Variants in MAST2 observed in about 807,000 individuals in gnomAD.
MAST2 encodes microtubule associated serine/threonine kinase 2, also known as microtubule-associated serine/threonine-protein kinase 2.
In MAST2, 70 loss-of-function variants were observed where a neutral mutation model predicts 147.4. The ratio of observed to expected loss-of-function variants is 0.47; its 90% CI spans 0.39 to 0.58. The LOEUF (loss-of-function observed/expected upper bound fraction) is 0.58. Ranked by LOEUF, MAST2 falls within the 20% of genes least tolerant of loss-of-function variation. The probability of loss-of-function intolerance (pLI) is 0.00; values close to 1 mark genes in which losing one functional copy is unlikely to be tolerated. For missense variants in MAST2, 2,080 were observed against 2,302.3 expected (o/e 0.90, Z 1.98); for synonymous variants, 869 against 896.8 (o/e 0.97, Z 0.55).
intron 1 of MAST2, among the ~76,000 whole-genome samples, chr1:45,811,688 C>CAGTG (rs1250457268): frequency 1.4e-5 from 2 of 141,228 alleles, no homozygotes; most frequent in African/African-American, 5.3e-5. Context: ...GGCTGGAGTG[C>CAGTG]AGTGGCCTGA....
intron 4 of MAST2, among the ~76,000 whole-genome samples, chr1:45,925,691 A>C (rs1183197869): frequency 6.6e-6 from 1 of 152,244 alleles, no homozygotes; most frequent in Non-Finnish European, 1.5e-5. Context: ...GAGGGCTTGC[A>C]GCAGGAAATC....
intron 3 of MAST2, among the ~76,000 whole-genome samples, chr1:45,838,044 G>T (rs1410823071): frequency 1.3e-5 from 2 of 151,998 alleles, no homozygotes; most frequent in Non-Finnish European, 2.9e-5. Flanking sequence ...CTCCCAAAGT[G>T]CTGGGATTAC....
intron 4 of MAST2, among the ~76,000 whole-genome samples, chr1:45,924,878 T>C (rs1230583699): frequency 6.6e-6 from 1 of 151,934 alleles, no homozygotes; most frequent in Non-Finnish European, 1.5e-5. Flanking sequence ...CAAAGGGAGG[T>C]AGCCATTTAG....
intron 3 of MAST2, among the ~76,000 whole-genome samples, chr1:45,859,308 C>T (rs1336312375): frequency 6.6e-6 from 1 of 152,172 alleles, no homozygotes; most frequent in Non-Finnish European, 1.5e-5. Context: ...CCATGTTGGC[C>T]AGGCTAGTCT....
intron 5 of MAST2, among the ~76,000 whole-genome samples, chr1:45,986,766 A>G (rs1644641523): frequency 6.6e-6 from 1 of 150,686 alleles, no homozygotes; most frequent in Admixed American, 6.6e-5. Context: ...GTCTTTTTAT[A>G]TGTTGTTGTA....
intron 8 of MAST2, 86 bp downstream of exon 8, chr1:46,006,481 G>A (rs6429592): frequency 0.76 from 1,037,917 of 1,365,542 alleles, 397,010 homozygotes; most frequent in East Asian, 0.99. Flanking sequence ...TATGCTATAA[G>A]GGGCCAAGAT....
intron 3 of MAST2, among the ~76,000 whole-genome samples, chr1:45,880,966 C>CAAAAAAAAA (rs10660375): frequency 1.1e-5 from 1 of 89,850 alleles, no homozygotes; most frequent in Admixed American, 1.2e-4. Flanking sequence ...GACTCCATCT[C>CAAAAAAAAA]AAAAAAAAAA....
chr1:45,943,606 G>T (rs1002093060), intron 4 of MAST2, among the ~76,000 whole-genome samples: 2 of 152,132 alleles, frequency 1.3e-5, no homozygotes, highest in Non-Finnish European at 2.9e-5. Context: ...TTAGCTGGGC[G>T]TGGTGACGCG....
At position 46,031,347 on chromosome 1, in the gene MAST2, G is replaced by A; in HGVS notation, c.2993-44G>A. ...GCTGGAGGATACTGCAGGGCAGGGA[G>A]GCTCAGCGGCATCGCGGGTCTCACT... On this transcript the variant is annotated intron_variant, in intron 23 of 28. Coordinates refer to ENST00000361297, the MANE Select transcript of MAST2 (RefSeq NM_015112.3). This position sits in a 1 kb window ranked among gnomAD's most constrained non-coding sequence, Gnocchi z 4.1. 1.3e-6 allele frequency: 2 copies of A among 1,579,052 alleles called. No homozygotes were observed. The highest frequency in any genetic ancestry group is 1.7e-6 in the Non-Finnish European group (2 of 1,158,792).
intron 3 of MAST2, among the ~76,000 whole-genome samples, chr1:45,837,874 G>A (rs570488514): frequency 5.9e-5 from 9 of 152,190 alleles, no homozygotes; most frequent in African/African-American, 2.2e-4. Context: ...CACCTCCCGG[G>A]TTCAAGCCAT....
chr1:45,889,822 G>T (rs1030821977), intron 4 of MAST2, among the ~76,000 whole-genome samples: 1 of 151,536 alleles, frequency 6.6e-6, no homozygotes, highest in Non-Finnish European at 1.5e-5. Context: ...CATTGGTCAG[G>T]CTGGTCTCGA....
intron 9 of MAST2, among the ~76,000 whole-genome samples, chr1:46,010,357 GC>G (rs1376058817): frequency 6.6e-6 from 1 of 152,120 alleles, no homozygotes; most frequent in Non-Finnish European, 1.5e-5. Flanking sequence ...AGTTTGTCAG[GC>G]AGGCTTGGCA....
rs1347891067 is a variant in MAST2 at position 46,035,119 on chromosome 1, G to A, written c.4450G>A (p.Asp1484Asn). 1.2e-6 allele frequency: 2 copies of A among 1,613,636 alleles called. No individual in the cohort carries two copies. The highest frequency in any genetic ancestry group is 8.5e-7 in the Non-Finnish European group (1 of 1,179,984). Residue 1484 changes from aspartate (D) to asparagine (N), a missense_variant, in exon 29 of 29, where the codon GAC becomes AAC. By Grantham distance (23) the Asp-to-Asn change is conservative. This residue lies in a region of MAST2 where 1,278 missense variants were observed against 1,304.2 expected (regional missense o/e 0.98). Transcript: ENST00000361297. This position sits in a 1 kb window ranked among gnomAD's most constrained non-coding sequence, Gnocchi z 5.5. ...ACGGGCCCTAGGCACCCTCCGGCAG[G>A]ACCGAGCCGAACGACGGGAGTCGCT... ...PSRALGTLRQ[D>N]RAERRESLQK...
intron 4 of MAST2, among the ~76,000 whole-genome samples, chr1:45,894,490 A>G (rs1648396806): frequency 6.6e-6 from 1 of 152,212 alleles, no homozygotes; most frequent in Non-Finnish European, 1.5e-5. Flanking sequence ...ATAAGTCAGC[A>G]TAAAGCACAG....
At chr1:45,951,058 A>AT (rs879342765) in intron 4 of MAST2, among the ~76,000 whole-genome samples, 1,835 of 146,206 alleles carry the variant, frequency 0.013, 33 homozygotes, top group African/African-American at 0.04. Context: ...TCTCTACTAA[A>AT]TTTTTTTTTT....
chr1:45,885,517 A>G (rs1326546072), intron 4 of MAST2, among the ~76,000 whole-genome samples: 1 of 152,136 alleles, frequency 6.6e-6, no homozygotes, highest in Non-Finnish European at 1.5e-5. Flanking sequence ...ACATTCTTCC[A>G]CTCAACAAGT....
intron 4 of MAST2, among the ~76,000 whole-genome samples, chr1:45,933,235 A>AGGGGGGGGG (rs1484696705): frequency 1.7e-5 from 1 of 59,088 alleles, no homozygotes; most frequent in Non-Finnish European, 3.3e-5. Context: ...TAAAAAAAAA[A>AGGGGGGGGG]AGCGGGGGGG....
intron 3 of MAST2, among the ~76,000 whole-genome samples, chr1:45,836,670 T>G (rs915258306): frequency 3.3e-5 from 5 of 152,210 alleles, no homozygotes; most frequent in Admixed American, 6.5e-5. Context: ...GATATCTATA[T>G]CTATATGTCA....
chr1:45,821,196 A>T (rs1644615792), intron 1 of MAST2, among the ~76,000 whole-genome samples: 1 of 151,904 alleles, frequency 6.6e-6, no homozygotes, highest in Admixed American at 6.6e-5. Flanking sequence ...CACTGCACCC[A>T]GCCTTTATTT....
Sources: allele counts gnomAD v4.1 joint callset (sites outside exome capture counted in the v4.1 genomes callset), GRCh38; gene constraint gnomAD v4.1.1; regional missense constraint gnomAD v4.1.1; non-coding constraint Gnocchi (gnomAD v3.1); transcripts MANE v1.5; gene names NCBI Gene and HGNC (gene_info 2026-07-23, HGNC 2026-07-21).